The following NHSL3 variants were observed in gnomAD, a reference collection of about 807,000 sequenced individuals.
The protein encoded by NHSL3 is NHS-like protein 3.
At chr1:32,757,989 A>G in the NHSL3 span, among the ~76,000 whole-genome samples, 1 of 152,206 alleles carries the variant, frequency 6.6e-6, no homozygotes, top group Non-Finnish European at 1.5e-5. Context: ...AAAGCCTCCA[A>G]GCGCTTAGAG....
the NHSL3 span, chr1:32,769,727 G>A: frequency 3.2e-5 from 51 of 1,614,100 alleles, no homozygotes; most frequent in Non-Finnish European, 4.3e-5. Flanking sequence ...TCAGGGCGGC[G>A]TCGGCGGGAG....
At chr1:32,766,205 A>G in the NHSL3 span, among the ~76,000 whole-genome samples, 8 of 152,196 alleles carry the variant, frequency 5.3e-5, no homozygotes, top group South Asian at 1.7e-3. Context: ...GGAGAGTAGT[A>G]CCACTGGAAG....
chr1:32,750,874 TG>T, the NHSL3 span, among the ~76,000 whole-genome samples: 1 of 150,832 alleles, frequency 6.6e-6, no homozygotes, highest in Non-Finnish European at 1.5e-5. Context: ...TGCAGTGGTG[TG>T]ATCTCAGCTC....
chr1:32,770,572 A>T, the NHSL3 span: 1 of 1,523,606 alleles, frequency 6.6e-7, no homozygotes, highest in African/African-American at 1.4e-5. This position sits in a 1 kb window ranked among gnomAD's most constrained non-coding sequence, Gnocchi z 8.3. Context: ...GGGCTCTCCC[A>T]GTGGGGGCAG....
chr1:32,759,607 G>T, the NHSL3 span, among the ~76,000 whole-genome samples: 3 of 152,172 alleles, frequency 2.0e-5, no homozygotes, highest in Non-Finnish European at 4.4e-5. Context: ...CTTAGAACCG[G>T]CCTGTCAGCT....
the NHSL3 span, chr1:32,753,981 C>T: frequency 2.7e-5 from 10 of 371,850 alleles, no homozygotes; most frequent in South Asian, 7.4e-4. Flanking sequence ...GCTGGGGGCG[C>T]CCGCGGTGCC....
chr1:32,772,033 C>T, the NHSL3 span: 1 of 1,604,910 alleles, frequency 6.2e-7, no homozygotes, highest in Non-Finnish European at 8.5e-7. Context: ...AAGTGCTCAG[C>T]CCAACGGACC....
the NHSL3 span, among the ~76,000 whole-genome samples, chr1:32,753,509 A>G: frequency 6.6e-6 from 1 of 152,174 alleles, no homozygotes; most frequent in South Asian, 2.1e-4. Context: ...TAATAAAAAA[A>G]GGACCTACCT....
At chr1:32,752,193 A>G in the NHSL3 span, among the ~76,000 whole-genome samples, 1 of 152,192 alleles carries the variant, frequency 6.6e-6, no homozygotes, top group African/African-American at 2.4e-5. Context: ...ATAACTTGCC[A>G]GCCTTTCAAG....
At chr1:32,765,685 G>A in the NHSL3 span, 2 of 1,539,216 alleles carry the variant, frequency 1.3e-6, no homozygotes, top group Non-Finnish European at 1.7e-6. Context: ...TCCCCATAGT[G>A]CTGGGTTACA....
chr1:32,748,196 T>C, the NHSL3 span, among the ~76,000 whole-genome samples: 4 of 152,110 alleles, frequency 2.6e-5, no homozygotes, highest in African/African-American at 9.7e-5. Context: ...GGAGAATCAC[T>C]TGAACCCAGG....
chr1:32,772,428 C>T, the NHSL3 span: 1 of 1,523,050 alleles, frequency 6.6e-7, no homozygotes. Context: ...AGAAGATGGG[C>T]CTCCCGGGCT....
chr1:32,744,195 C>T, the NHSL3 span, among the ~76,000 whole-genome samples: 106 of 152,206 alleles, frequency 7.0e-4, no homozygotes, highest in African/African-American at 2.4e-3. Flanking sequence ...TCATTATCTC[C>T]TCCATTCCAA....
chr1:32,741,971 C>T, the NHSL3 span: 10 of 1,134,818 alleles, frequency 8.8e-6, no homozygotes, highest in Non-Finnish European at 1.1e-5. The surrounding 1 kb of genome is among the most constrained non-coding windows in gnomAD (Gnocchi z 4.3). Flanking sequence ...GCCCGCGCGC[C>T]CCCCGCCGCA....
chr1:32,770,331 G>C, the NHSL3 span: 9 of 1,611,834 alleles, frequency 5.6e-6, no homozygotes, highest in East Asian at 2.0e-4. The surrounding 1 kb of genome is among the most constrained non-coding windows in gnomAD (Gnocchi z 8.3). Context: ...GCCTGCACTC[G>C]GCCAGCCCAG....
At chr1:32,759,487 T>C in the NHSL3 span, among the ~76,000 whole-genome samples, 1 of 152,244 alleles carries the variant, frequency 6.6e-6, no homozygotes, top group Non-Finnish European at 1.5e-5. Context: ...CATTTATTAA[T>C]ATTATCGTAG....
chr1:32,768,715 G>A, the NHSL3 span: 1 of 1,614,146 alleles, frequency 6.2e-7, no homozygotes, highest in African/African-American at 1.3e-5. Flanking sequence ...ATCCTACGTG[G>A]CTGAGAGCTC....
chr1:32,767,738 A>C, the NHSL3 span: 8 of 1,507,128 alleles, frequency 5.3e-6, no homozygotes, highest in East Asian at 2.3e-5. Flanking sequence ...GTGCCCCTGC[A>C]GGGCCCAGAT....
At chr1:32,770,267 C>T in the NHSL3 span, 1 of 1,604,190 alleles carries the variant, frequency 6.2e-7, no homozygotes, top group African/African-American at 1.3e-5. This position sits in a 1 kb window ranked among gnomAD's most constrained non-coding sequence, Gnocchi z 8.3. Flanking sequence ...CTGCCGCCTA[C>T]AGTGGACGTG....
Sources: allele counts gnomAD v4.1 joint callset (sites outside exome capture counted in the v4.1 genomes callset), GRCh38; gene constraint gnomAD v4.1.1; non-coding constraint Gnocchi (gnomAD v3.1); transcripts MANE v1.5; gene names NCBI Gene and HGNC (gene_info 2026-07-23, HGNC 2026-07-21).